ITGA9: variants seen among roughly 807,000 people sequenced by gnomAD.
The protein encoded by ITGA9 is integrin subunit alpha 9.
ITGA9 carries 56 observed loss-of-function variants against 127.8 expected under a neutral mutation model. The ratio of observed to expected loss-of-function variants is 0.44; its 90% confidence interval spans 0.35 to 0.55. The LOEUF is 0.55. ITGA9 is among the 20% of genes least tolerant of loss of function. The pLI is 0.00. For missense variants in ITGA9, 1,196 were observed against 1,347.1 expected (o/e 0.89, Z 1.76); for synonymous variants, 508 against 514.5 (o/e 0.99, Z 0.17).
At chr3:37,480,400 A>G (rs767600737) in intron 3 of ITGA9, among the ~76,000 whole-genome samples, 13 of 152,164 alleles carry the variant, frequency 8.5e-5, no homozygotes, top group Non-Finnish European at 1.8e-4. Flanking sequence ...CTTCGCCAGT[A>G]TGCGGAGCTC....
At chr3:37,750,271 G>A (rs1272900439) in intron 22 of ITGA9, among the ~76,000 whole-genome samples, 191 bp from the exon 23 acceptor site, 2 of 152,226 alleles carry the variant, frequency 1.3e-5, no homozygotes, top group East Asian at 3.8e-4. Context: ...ATGCATGTTA[G>A]AAGTGTTTCT....
chr3:37,521,329 G>A (rs1234638675), intron 11 of ITGA9, among the ~76,000 whole-genome samples: 1 of 152,192 alleles, frequency 6.6e-6, no homozygotes, highest in East Asian at 1.9e-4. Flanking sequence ...CTTTGGCCCA[G>A]ATTTGTATTA....
rs1281351579 is a variant in ITGA9, at chr3:37,821,463, A to C, written c.*2474A>C. On this transcript the variant is annotated 3_prime_UTR_variant, in exon 28 of 28. Transcript: ENST00000264741. ...ACTTTTTGAATGGGATGCCATTTGCAGCTTTCCTTTGATGGACTCTTGTTC... is the reference window on the plus strand; with the variant it reads ...ACTTTTTGAATGGGATGCCATTTGCCGCTTTCCTTTGATGGACTCTTGTTC... The C allele has an allele frequency of 6.6e-6, 1 of 152,182 alleles. No homozygotes were observed. The highest frequency in any genetic ancestry group is 1.5e-5 in the Non-Finnish European group (1 of 68,032). The allele number at this position is 152,182 out of a possible 1,614,324, so 9.4% of individuals were successfully genotyped here. A position where few individuals can be genotyped will look rare whatever the true frequency, so the allele number is the denominator to read the frequency against.
intron 17 of ITGA9, among the ~76,000 whole-genome samples, chr3:37,682,692 G>A (rs1700745318): frequency 6.6e-6 from 1 of 152,122 alleles, no homozygotes; most frequent in South Asian, 2.1e-4. Context: ...TCTCAACCCA[G>A]TCTTTCCCAT....
Position 37,629,313 on chromosome 3 carries a change from C to A in ITGA9, c.1816C>A (p.Gln606Lys), listed in dbSNP as rs775917847. 6.2e-7 allele frequency: 1 copy of A among 1,614,064 alleles called. No homozygotes were observed. The highest frequency in any genetic ancestry group is 1.1e-5 in the South Asian group (1 of 91,060). Residue 606 changes from glutamine (Q) to lysine (K), a missense_variant, in exon 16 of 28, where the codon CAA becomes AAA. By Grantham distance (53) the Gln-to-Lys change is moderately conservative. Coordinates refer to ENST00000264741, the MANE Select transcript of ITGA9 (RefSeq NM_002207.3). The surrounding 1 kb of genome is among the most constrained non-coding windows in gnomAD (Gnocchi z 4.5). ...ACCAGTTCTCCGCTGGAAAAAGGGA[C>A]AAAAGATTGCCCAAAAGAATCAGGT... is the stretch of plus-strand genomic sequence containing the variant. Reference protein sequence around the residue: ...LTPVLRWKKGQKIAQKNQTVF... With the variant: ...LTPVLRWKKGKKIAQKNQTVF...
intron 14 of ITGA9, among the ~76,000 whole-genome samples, chr3:37,540,868 TCAGATCCCTTCTGGTGACA>T (rs1699258876): frequency 6.6e-6 from 1 of 152,248 alleles, no homozygotes; most frequent in Non-Finnish European, 1.5e-5. Flanking sequence ...TTTCCAGGTC[TCAGATCCCTTCTGGTGACA>T]CAGCCTTGCC....
chr3:37,483,012 A>C (rs1470574609), intron 4 of ITGA9, among the ~76,000 whole-genome samples: 1 of 151,928 alleles, frequency 6.6e-6, no homozygotes, highest in Admixed American at 6.6e-5. Context: ...GCCCCAGTTT[A>C]CTCCTCCTTT....
intron 15 of ITGA9, among the ~76,000 whole-genome samples, chr3:37,546,197 T>G (rs936065148): frequency 9.2e-5 from 14 of 152,056 alleles, no homozygotes; most frequent in African/African-American, 3.4e-4. Context: ...GACACAACAG[T>G]GTCCTAGAAT....
At chr3:37,527,089 C>A (rs1227454572) in intron 13 of ITGA9, among the ~76,000 whole-genome samples, 3 of 152,246 alleles carry the variant, frequency 2.0e-5, no homozygotes, top group African/African-American at 7.2e-5. Context: ...CTGGGCAAGT[C>A]CCCTGACCTT....
At chr3:37,632,887 C>T (rs1700241290) in intron 16 of ITGA9, among the ~76,000 whole-genome samples, 1 of 152,190 alleles carries the variant, frequency 6.6e-6, no homozygotes, top group African/African-American at 2.4e-5. Context: ...GCCACACAAT[C>T]AAAGTATGTG....
In ITGA9 at chr3:37,629,632, G is replaced by T. The variant is rs1700210938; in HGVS notation, c.1839+296G>T. 5.0e-6 allele frequency: 3 copies of T among 598,018 alleles called. No individual in the cohort carries two copies. In the South Asian group the frequency reaches 6.1e-5, roughly 12 times the overall value. The allele number at this position is 598,018 out of a possible 1,614,324, so 37.0% of individuals were successfully genotyped here. On this transcript the variant is annotated intron_variant, in intron 16 of 27. Transcript: ENST00000264741. This position sits in a 1 kb window ranked among gnomAD's most constrained non-coding sequence, Gnocchi z 4.5. ...CCACTTGGTCCCTGAACTTGCCTCT[G>T]TTCCTAGACTGTTTTCAGAGCTTAG...
chr3:37,569,365 G>T (rs1196952905), intron 15 of ITGA9, among the ~76,000 whole-genome samples: 1 of 152,202 alleles, frequency 6.6e-6, no homozygotes, highest in Non-Finnish European at 1.5e-5. Flanking sequence ...TACAATTCAA[G>T]ATGAGATTTG....
At chr3:37,568,953 G>A (rs1315898212) in intron 15 of ITGA9, among the ~76,000 whole-genome samples, 2 of 152,082 alleles carry the variant, frequency 1.3e-5, no homozygotes, top group African/African-American at 4.8e-5. Context: ...TATCTTCACA[G>A]CAATAGCCCC....
Position 37,811,880 on chromosome 3 carries a change from G to A in ITGA9, c.3010-7011G>A, listed in dbSNP as rs548206720. On this transcript the variant is annotated intron_variant, in intron 27 of 27. Coordinates refer to ENST00000264741, the MANE Select transcript of ITGA9 (RefSeq NM_002207.3). ...CTGCCTCAAACCCTCTATCAGCTGG[G>A]GCTGTTCCAAGAGCCTGCTGCTTTA... 7.1e-4 allele frequency among the ~76,000 whole-genome samples: 108 copies of A among 152,296 alleles called. 1 individual carries two copies. The highest frequency in any genetic ancestry group is 2.5e-3 in the African/African-American group (104 of 41,554).
intron 24 of ITGA9, among the ~76,000 whole-genome samples, chr3:37,778,185 C>G (rs937493891): frequency 6.6e-6 from 1 of 152,166 alleles, no homozygotes; most frequent in Non-Finnish European, 1.5e-5. Context: ...AAAAACTAAT[C>G]ATGATGATAG....
intron 15 of ITGA9, among the ~76,000 whole-genome samples, chr3:37,594,466 GT>G (rs1274243595): frequency 6.6e-6 from 1 of 151,552 alleles, no homozygotes; most frequent in Non-Finnish European, 1.5e-5. Flanking sequence ...AGCAGATAGA[GT>G]TTTTTAGGCA....
chr3:37,504,190 G>A (rs930591133), intron 6 of ITGA9, among the ~76,000 whole-genome samples: 1 of 152,156 alleles, frequency 6.6e-6, no homozygotes, highest in Non-Finnish European at 1.5e-5. Context: ...CTACTCTGGG[G>A]TGTTTGCTCC....
chr3:37,625,679 A>G (rs1197613914), intron 15 of ITGA9, among the ~76,000 whole-genome samples: 1 of 152,128 alleles, frequency 6.6e-6, no homozygotes, highest in Non-Finnish European at 1.5e-5. Flanking sequence ...TCTCCATCCT[A>G]AGGAGTTTCT....
chr3:37,517,647 T>G (rs775134677), intron 10 of ITGA9, 38 bp downstream of exon 10: 2 of 1,389,962 alleles, frequency 1.4e-6, no homozygotes, highest in Admixed American at 2.0e-5. Context: ...CCCCTCCAGG[T>G]GCAGCACGCT....
Sources: gnomAD v4.1 joint callset for allele counts (sites outside exome capture counted in the v4.1 genomes callset) on GRCh38, gnomAD v4.1.1 for gene constraint, Gnocchi (gnomAD v3.1) non-coding constraint, MANE v1.5 for transcripts, NCBI Gene and HGNC (gene_info 2026-07-23, HGNC 2026-07-21) for gene names.